YES1: variants seen among roughly 807,000 people sequenced by gnomAD.
The protein encoded by YES1 is tyrosine-protein kinase Yes.
YES1 carries 39 observed loss-of-function variants against 70.4 expected under a neutral mutation model. That is an observed-to-expected ratio of 0.55 (90% CI 0.43 to 0.72). The LOEUF (loss-of-function observed/expected upper bound fraction) is 0.72. Ranked by LOEUF, YES1 falls within the 30% of genes least tolerant of loss-of-function variation. The pLI is 0.00. For synonymous variants in YES1, 198 were observed against 218.6 expected, an observed-to-expected ratio of 0.91 and a Z score of 0.83; for missense variants, 495 against 644.8, an observed-to-expected ratio of 0.77 and a Z score of 2.52.
At position 739,752 on chromosome 18, in the gene YES1, C is replaced by G; in HGVS notation, c.1120G>C (p.Val374Leu). 1 of 1,612,442 alleles carries G rather than the reference C, an allele frequency of 6.2e-7. No individual in the cohort carries two copies. Among genetic ancestry groups the G allele is most frequent in the South Asian group, 1.1e-5 (1 of 90,628 alleles). Reference protein sequence around the residue: ...DGKYLKLPQLVDMAAQIADGM... With the variant: ...DGKYLKLPQLLDMAAQIADGM... ...ACAGATACCTGAGCAGCCATATCAACCAGCTGTGGAAGCTTCAAATACTTT... is the reference window on the plus strand; with the variant it reads ...ACAGATACCTGAGCAGCCATATCAAGCAGCTGTGGAAGCTTCAAATACTTT... Residue 374 changes from valine (V) to leucine (L), a missense_variant, in exon 9 of 12, where the codon GTT (valine) becomes CTT (leucine). This residue lies in a region of YES1 where 385 missense variants were observed against 540.9 expected (regional missense o/e 0.71). Coordinates refer to ENST00000314574, the MANE Select transcript of YES1 (RefSeq NM_005433.4).
intron 1 of YES1, among the ~76,000 whole-genome samples, chr18:799,198 T>G (rs573630501): frequency 2.6e-5 from 4 of 152,328 alleles, no homozygotes; most frequent in African/African-American, 9.6e-5. Flanking sequence ...GTCTAACTTG[T>G]GTAACTACCA....
chr18:721,806 A>C lies in YES1; in HGVS notation c.*2618T>G, dbSNP rs1274313891. ...CCACAAAACAATATTACAATACTTT[A>C]TAAAAATATTAAGTTTAGGCTACCA... On this transcript the variant is annotated 3_prime_UTR_variant, in exon 12 of 12. Coordinates refer to ENST00000314574, the MANE Select transcript of YES1 (RefSeq NM_005433.4). 1.3e-5 allele frequency: 2 copies of C among 152,634 alleles called. No individual in the cohort carries two copies. The highest frequency in any genetic ancestry group is 2.4e-5 in the African/African-American group (1 of 41,472). 9.5% of individuals were successfully genotyped at this position (152,634 alleles called of 1,614,324 possible). A position where few individuals can be genotyped will look rare whatever the true frequency, so the allele number is the denominator to read the frequency against.
At chr18:797,019 T>C (rs1470922886) in intron 1 of YES1, among the ~76,000 whole-genome samples, 1 of 152,092 alleles carries the variant, frequency 6.6e-6, no homozygotes, top group Non-Finnish European at 1.5e-5. Context: ...TTTAACATCA[T>C]CTTCAAGTGG....
intron 11 of YES1, among the ~76,000 whole-genome samples, chr18:725,095 GAA>G (rs571063508): frequency 1.8e-3 from 281 of 152,276 alleles, no homozygotes; most frequent in African/African-American, 6.5e-3. Flanking sequence ...TTACTTCTGT[GAA>G]AGTTTCCTTA....
In YES1 at chr18:735,161, C is replaced by CAAAA. The variant is rs71174281; in HGVS notation, c.1291+1643_1291+1646dup. Among the ~76,000 whole-genome samples the CAAAA allele has an allele frequency of 4.2e-3, 468 of 110,682 alleles. 14 individuals carry two copies. The highest frequency in any genetic ancestry group is 0.014 in the African/African-American group (405 of 29,472). 72.6% of individuals were successfully genotyped at this position (110,682 alleles called of 152,430 possible). A position where few individuals can be genotyped will look rare whatever the true frequency, so the allele number is the denominator to read the frequency against. Reference sequence around the variant, plus strand: ...AACAGATTGAGACTGTGTCTCAAAGCAAAAAAAAAAAAATCATTATATGAA... The same window carrying CAAAA: ...AACAGATTGAGACTGTGTCTCAAAGCAAAAAAAAAAAAAAAAATCATTATATGAA... On this transcript the variant is annotated intron_variant, in intron 10 of 11. Transcript: ENST00000314574.
At chr18:791,850 T>C (rs941047201) in intron 1 of YES1, among the ~76,000 whole-genome samples, 4 of 151,112 alleles carry the variant, frequency 2.6e-5, no homozygotes, top group Non-Finnish European at 4.4e-5. Flanking sequence ...AGGTCAGGAG[T>C]TTGAGAACAG....
At position 722,629 on chromosome 18, in the gene YES1, C is replaced by CTCTTATTT. The variant is rs2079966419; in HGVS notation, c.*1794_*1795insAAATAAGA. ...TATTCAAATCTGTATTTTGAAATTA[C>CTCTTATTT]TGAGTTACTCTTAAAAATTAGTCTT... On this transcript the variant is annotated 3_prime_UTR_variant, in exon 12 of 12. Transcript: ENST00000314574. The CTCTTATTT allele has an allele frequency of 6.6e-6, 1 of 152,198 alleles. No individual in the cohort carries two copies. The highest frequency in any genetic ancestry group is 1.5e-5 in the Non-Finnish European group (1 of 68,032). The allele number at this position is 152,198 out of a possible 1,614,324, so 9.4% of individuals were successfully genotyped here. A position where few individuals can be genotyped will look rare whatever the true frequency, so the allele number is the denominator to read the frequency against.
chr18:759,084 T>C (rs904953051), intron 1 of YES1, among the ~76,000 whole-genome samples: 4 of 152,232 alleles, frequency 2.6e-5, no homozygotes, highest in African/African-American at 4.8e-5. Flanking sequence ...TATATTAAAA[T>C]AGAAGCAGTC....
chr18:733,031 T>G, intron 10 of YES1, 66 bp from the exon 11 acceptor site: 1 of 1,518,684 alleles, frequency 6.6e-7, no homozygotes, highest in Non-Finnish European at 9.1e-7. Context: ...ACATAGCATA[T>G]GCAGGGCTAA....
intron 1 of YES1, among the ~76,000 whole-genome samples, chr18:767,132 AATAT>A (rs1904948216): frequency 6.6e-6 from 1 of 152,068 alleles, no homozygotes; most frequent in Admixed American, 6.6e-5. Flanking sequence ...CTAATTTTTG[AATAT>A]ATTATAATAG....
intron 1 of YES1, among the ~76,000 whole-genome samples, chr18:777,829 A>T (rs1905461389): frequency 6.6e-6 from 1 of 151,676 alleles, no homozygotes; most frequent in Non-Finnish European, 1.5e-5. Flanking sequence ...AAAAAAAATT[A>T]AAAAAAGAAT....
chr18:784,880 A>G (rs1248812480), intron 1 of YES1, among the ~76,000 whole-genome samples: 1 of 152,216 alleles, frequency 6.6e-6, no homozygotes, highest in East Asian at 1.9e-4. Flanking sequence ...CCTCTTTACC[A>G]TGTAACCTAA....
chr18:733,781 T>TC (rs1284252982), intron 10 of YES1, among the ~76,000 whole-genome samples: 2 of 15,242 alleles, frequency 1.3e-4, no homozygotes, highest in African/African-American at 6.1e-4. Flanking sequence ...AGACTCCGTC[T>TC]CAAAAAAAAA....
chr18:780,064 T>C (rs1337727467), intron 1 of YES1, among the ~76,000 whole-genome samples: 1 of 152,012 alleles, frequency 6.6e-6, no homozygotes, highest in Non-Finnish European at 1.5e-5. Flanking sequence ...TGAAAGCTTG[T>C]CTCTACTAAA....
chr18:723,688 AACTC>A lies in YES1; in HGVS notation c.*732_*735del, dbSNP rs1476183148. 6.5e-6 allele frequency: 1 copy of A among 152,686 alleles called. No homozygotes were observed. The highest frequency in any genetic ancestry group is 1.5e-5 in the Non-Finnish European group (1 of 68,038). The allele number at this position is 152,686 out of a possible 1,614,324, so 9.5% of individuals were successfully genotyped here. A position where few individuals can be genotyped will look rare whatever the true frequency, so the allele number is the denominator to read the frequency against. ...AATCAATGCAACCTCATACAAGATT[AACTC>A]ACTTTCTAGTTACCTTCATTATTCT... On this transcript the variant is annotated 3_prime_UTR_variant, in exon 12 of 12. Coordinates refer to ENST00000314574, the MANE Select transcript of YES1 (RefSeq NM_005433.4).
chr18:746,000 AT>A lies in YES1; in HGVS notation c.521del (p.Asn174IlefsTer10). On this transcript the variant is annotated frameshift_variant, in exon 5 of 12. Transcript: ENST00000314574. LOFTEE classifies it high-confidence loss of function. ...GRKDAERLLL[N>X]PGNQRGIFLV... ...AGAAAATACCTCGTTGATTTCCAGG[AT>A]TCAAAAGTAATCTTTCAGCATCTTT... The A allele has an allele frequency of 6.2e-7, 1 of 1,613,172 alleles. No individual in the cohort carries two copies. The highest frequency in any genetic ancestry group is 8.5e-7 in the Non-Finnish European group (1 of 1,179,686).
At chr18:761,520 C>T (rs1904593743) in intron 1 of YES1, among the ~76,000 whole-genome samples, 1 of 152,136 alleles carries the variant, frequency 6.6e-6, no homozygotes, top group Non-Finnish European at 1.5e-5. Context: ...TTTCCATTCC[C>T]AGCTTAATTC....
At chr18:741,748 G>T (rs1240219571) in intron 8 of YES1, among the ~76,000 whole-genome samples, 2 of 152,132 alleles carry the variant, frequency 1.3e-5, no homozygotes, top group Non-Finnish European at 2.9e-5. Context: ...AAGCTGCAGA[G>T]AAATGTGACT....
chr18:781,909 G>A (rs962009641), intron 1 of YES1, among the ~76,000 whole-genome samples: 3 of 152,192 alleles, frequency 2.0e-5, no homozygotes, highest in Non-Finnish European at 1.5e-5. Flanking sequence ...AATCTGACTA[G>A]AGGTAGCTTA....
Sources: gnomAD v4.1 joint callset for allele counts (sites outside exome capture counted in the v4.1 genomes callset) on GRCh38, gnomAD v4.1.1 for gene constraint, gnomAD v4.1.1 regional missense constraint, MANE v1.5 for transcripts, NCBI Gene and HGNC (gene_info 2026-07-23, HGNC 2026-07-21) for gene names.